Variants in MUC4 observed in about 807,000 individuals in gnomAD.
MUC4 encodes the protein mucin-4.
In MUC4, 202 loss-of-function variants were observed where a neutral mutation model predicts 257.9. That is an observed-to-expected ratio of 0.78 (90% CI 0.70 to 0.88). The LOEUF (loss-of-function observed/expected upper bound fraction) is 0.88. Ranked by LOEUF, MUC4 falls within the 40% of genes least tolerant of loss-of-function variation. The probability of loss-of-function intolerance (pLI) is 0.00; values close to 1 mark genes in which losing one functional copy is unlikely to be tolerated. For synonymous variants in MUC4, 2,351 were observed against 2,757.1 expected (o/e 0.85, Z 4.62); for missense variants, 5,976 against 6,513.7 (o/e 0.92, Z 2.84).
rs763652352 is a variant in MUC4, at chr3:195,762,043, G to A, written c.14512+44C>T. On this transcript the variant is annotated intron_variant, in intron 14 of 24. Transcript: ENST00000463781. ...CGCCGGCGTGGGGGTCCGAGCTCCG[G>A]CTGGCTCCGCGGAGCCTCAGAGGCA... 2.5e-5 allele frequency: 39 copies of A among 1,543,608 alleles called. No individual in the cohort carries two copies. The Middle Eastern group carries it at 6.5e-4, about 26-fold the overall frequency.
At chr3:195,804,363 C>T (rs1735715835) in intron 1 of MUC4, among the ~76,000 whole-genome samples, 1 of 152,236 alleles carries the variant, frequency 6.6e-6, no homozygotes, top group African/African-American at 2.4e-5. Flanking sequence ...GGTGACTCCA[C>T]AGGTGTGCCG....
intron 5 of MUC4, among the ~76,000 whole-genome samples, chr3:195,771,224 CCTGGTCAGTCTCGTGGT>C (rs1206814786): frequency 2.9e-5 from 1 of 34,932 alleles, no homozygotes; most frequent in African/African-American, 2.4e-4. Context: ...TTGGTGTATT[CCTGGTCAGTCTCGTGGT>C]TGGGTTGGGG....
rs74957513 is a variant in MUC4, at chr3:195,780,987, G to T, written c.10593C>A (p.Thr3531=). 43,240 of 417,706 alleles carry T rather than the reference G, an allele frequency of 0.1. 1,153 individuals carry two copies. The highest frequency in any genetic ancestry group is 0.18 in the African/African-American group (2,592 of 14,434). 25.9% of individuals were successfully genotyped at this position (417,706 alleles called of 1,614,324 possible). ...TGACAGGAAGAGGCGTGGCGTGACC[G>T]GTGGATACTGAGGAAGTGTCGGTGA... The part of the protein sequence containing the change: ...LPVTDTSSVS[T]GHATPLPVTS... The change falls in exon 2 of 25, where the codon ACC becomes ACA. Residue 3531 remains threonine, a synonymous_variant. Coordinates refer to ENST00000463781, the MANE Select transcript of MUC4 (RefSeq NM_018406.7).
intron 7 of MUC4, among the ~76,000 whole-genome samples, chr3:195,767,579 CCACCAT>C (rs1721161960): frequency 9.1e-6 from 1 of 109,560 alleles, no homozygotes; most frequent in African/African-American, 5.8e-5. Context: ...ACCATCACCA[CCACCAT>C]CACCACCACC....
Position 195,762,112 on chromosome 3 carries a change from G to A in MUC4, c.14487C>T (p.Tyr4829=), listed in dbSNP as rs1319323252. 2 of 1,606,062 alleles carry A rather than the reference G, an allele frequency of 1.2e-6. No homozygotes were observed. The highest frequency in any genetic ancestry group is 2.2e-5 in the East Asian group (1 of 44,720). The stretch of plus-strand genomic sequence containing the variant: ...CCAGGAGCCCCTCCGTGCGGTTCTG[G>A]TACTCGGGCGGGAGGCTGGCGGAGG... ...LHASASLPPE[Y]QNRTEGLLGV... Residue 4829 remains tyrosine, a synonymous_variant, in exon 14 of 25, where the codon TAC becomes TAT. Coordinates refer to ENST00000463781, the MANE Select transcript of MUC4 (RefSeq NM_018406.7).
At chr3:195,770,076 G>T (rs1318305279) in intron 6 of MUC4, 140 bp downstream of exon 6, 3 of 878,246 alleles carry the variant, frequency 3.4e-6, no homozygotes, top group East Asian at 6.0e-5. Context: ...TGGCAGTGGG[G>T]GGGTGGCGGT....
intron 1 of MUC4, among the ~76,000 whole-genome samples, chr3:195,808,325 C>T (rs1439399924): frequency 6.6e-6 from 1 of 152,120 alleles, no homozygotes; most frequent in East Asian, 1.9e-4. Flanking sequence ...AAGCCATTCT[C>T]CTACCTCAGC....
intron 1 of MUC4, among the ~76,000 whole-genome samples, chr3:195,794,979 G>T (rs573981977): frequency 1.3e-5 from 2 of 152,306 alleles, no homozygotes; most frequent in African/African-American, 4.8e-5. Flanking sequence ...TGGGCCCCTG[G>T]CTTAATCCAA....
At position 195,798,456 on chromosome 3, in the gene MUC4, C is replaced by T. The variant is rs377313434; in HGVS notation, c.83-6959G>A. On this transcript the variant is annotated intron_variant, in intron 1 of 24. Coordinates refer to ENST00000463781, the MANE Select transcript of MUC4 (RefSeq NM_018406.7). Reference sequence around the variant, plus strand: ...TGGTGGCTCACACCTGTAATCCCAGCGCTTTGTGAGGCTGAGGTGGGCGGA... The same window carrying T: ...TGGTGGCTCACACCTGTAATCCCAGTGCTTTGTGAGGCTGAGGTGGGCGGA... Among the ~76,000 whole-genome samples the T allele has an allele frequency of 3.0e-4, 45 of 152,278 alleles. 1 individual carries two copies. The highest frequency in any genetic ancestry group is 3.4e-3 in the Middle Eastern group (1 of 294).
rs1476625922 is a variant in MUC4, at chr3:195,789,167, G to T, written c.2413C>A (p.Pro805Thr). The T allele has an allele frequency of 1.9e-6, 3 of 1,613,838 alleles. No individual in the cohort carries two copies. The highest frequency in any genetic ancestry group is 1.3e-5 in the African/African-American group (1 of 75,006). ...GTGCCACTCGCCCCGGATGAGGAAG[G>T]GGTAGCTGTGCCCGCTGAGGTGGTT... ...SRTTSAGTAT[P>T]SSSGASGTTP... Residue 805 changes from proline to threonine, a missense_variant, in exon 2 of 25, where the codon CCT becomes ACT. By Grantham distance (38) the Pro-to-Thr change is conservative. This residue lies in a region of MUC4 where 1,583 missense variants were observed against 1,257.4 expected (regional missense o/e 1.26). Coordinates refer to ENST00000463781, the MANE Select transcript of MUC4 (RefSeq NM_018406.7).
chr3:195,811,784 C>T lies in MUC4; in HGVS notation c.34G>A (p.Val12Met), dbSNP rs957381203. The change falls in exon 1 of 25, where the codon GTG becomes ATG. Residue 12 changes from valine (V) to methionine (M), a missense_variant. Val to Met is a conservative substitution (Grantham distance 21). Coordinates refer to ENST00000463781, the MANE Select transcript of MUC4 (RefSeq NM_018406.7). Reference sequence around the variant, plus strand: ...CAGAGACACAGGCAGCTCAGGGACACCCAGGGGACCCTCCTCCAGCGTGCC... The same window carrying T: ...CAGAGACACAGGCAGCTCAGGGACATCCAGGGGACCCTCCTCCAGCGTGCC... ...KGARWRRVPW[V>M]SLSCLCLCLL... 4 of 1,614,018 alleles carry T rather than the reference C, an allele frequency of 2.5e-6. No homozygotes were observed. The highest frequency in any genetic ancestry group is 3.3e-5 in the Admixed American group (2 of 60,030).
intron 1 of MUC4, among the ~76,000 whole-genome samples, chr3:195,806,027 A>T (rs3096338): frequency 0.54 from 82,693 of 151,942 alleles, 23,631 homozygotes; most frequent in East Asian, 0.76. Flanking sequence ...GAGGCACGAG[A>T]ATCCCTTGAA....
rs1250508750 is a variant in MUC4, at chr3:195,780,897, T to C, written c.10683A>G (p.Ala3561=). Residue 3561 remains alanine (A), a synonymous_variant, in exon 2 of 25, where the codon GCA becomes GCG. Transcript: ENST00000463781. Reference sequence around the variant, plus strand: ...GAAGAGGGGTGGCCTGACCTGTGGATGCCGAGGAAGCGTCGGTGACAGGAA... The same window carrying C: ...GAAGAGGGGTGGCCTGACCTGTGGACGCCGAGGAAGCGTCGGTGACAGGAA... The part of the protein sequence containing the change: ...TPLPVTDASS[A]STGQATPLPV... 4 of 1,510,098 alleles carry C rather than the reference T, an allele frequency of 2.6e-6. No homozygotes were observed. In the African/African-American group the frequency reaches 6.6e-5, roughly 25 times the overall value. 93.5% of individuals were successfully genotyped at this position (1,510,098 alleles called of 1,614,324 possible).
intron 1 of MUC4, among the ~76,000 whole-genome samples, chr3:195,801,789 A>G (rs1735350984): frequency 6.6e-6 from 1 of 152,080 alleles, no homozygotes; most frequent in Non-Finnish European, 1.5e-5. Flanking sequence ...TTCATTCATG[A>G]ATCTGACAGA....
chr3:195,748,867 A>G (rs1351043664), intron 24 of MUC4, 35 bp downstream of exon 24: 41 of 1,524,570 alleles, frequency 2.7e-5, no homozygotes, highest in Non-Finnish European at 3.5e-5. Flanking sequence ...GTTCCCCAGC[A>G]CTGTCCTCCA....
rs769189255 is a variant in MUC4, at chr3:195,788,887, G to C, written c.2693C>G (p.Pro898Arg). 3.1e-6 allele frequency: 5 copies of C among 1,613,686 alleles called. No homozygotes were observed. Among genetic ancestry groups the C allele is most frequent in the Non-Finnish European group, 4.2e-6 (5 of 1,179,794 alleles). The change falls in exon 2 of 25, where the codon CCT (proline) becomes CGT (arginine). Residue 898 changes from proline to arginine, a missense_variant. Coordinates refer to ENST00000463781, the MANE Select transcript of MUC4 (RefSeq NM_018406.7). ...QSSPTSPSASPQETAAISRMA... is the reference protein window; with the variant it reads ...QSSPTSPSASRQETAAISRMA... The stretch of plus-strand genomic sequence containing the variant: ...CCGGGAAATGGCGGCTGTCTCCTGA[G>C]GAGAGGCACTGGGAGAAGTTGGGCT...
Position 195,781,712 on chromosome 3 carries a change from A to C in MUC4, c.9868T>G (p.Ser3290Ala), listed in dbSNP as rs773454580. ...AGAAGAGGGGTGGTGTCACCTGTGGATGATGAGGAAGTGTCGGTGACAGGA... is the reference window on the plus strand; with the variant it reads ...AGAAGAGGGGTGGTGTCACCTGTGGCTGATGAGGAAGTGTCGGTGACAGGA... ...SLPVTDTSSS[S>A]TGDTTPLLVT... Residue 3290 changes from serine to alanine, a missense_variant, in exon 2 of 25, where the codon TCC (serine) becomes GCC (alanine). Ser to Ala is a moderately conservative substitution (Grantham distance 99). Coordinates refer to ENST00000463781, the MANE Select transcript of MUC4 (RefSeq NM_018406.7). 6.7e-7 allele frequency: 1 copy of C among 1,492,236 alleles called. No homozygotes were observed. Among genetic ancestry groups the C allele is most frequent in the South Asian group, 1.2e-5 (1 of 82,252 alleles). The allele number at this position is 1,492,236 out of a possible 1,614,324, so 92.4% of individuals were successfully genotyped here.
Position 195,747,343 on chromosome 3 carries a change from G to A in MUC4, c.16072C>T (p.His5358Tyr), listed in dbSNP as rs1715238515. ...SFSIYTAWGEHCEHLSMKLDA... is the reference protein window; with the variant it reads ...SFSIYTAWGEYCEHLSMKLDA... ...AGTTTCATGCTCAGGTGCTCACAGT[G>A]CTCGCCCCAGGCCGTGTAGATGGAG... The change falls in exon 25 of 25, where the codon CAC becomes TAC. Residue 5358 changes from histidine (H) to tyrosine (Y), a missense_variant. Transcript: ENST00000463781. The A allele has an allele frequency of 6.2e-7, 1 of 1,614,056 alleles. No homozygotes were observed.
chr3:195,761,092 A>T lies in MUC4; in HGVS notation c.14640T>A (p.Leu4880=), dbSNP rs776837880. ...MTWQINGTGL[L]GKRNDQLPSN... is the part of the protein sequence containing the mutation. ...AAGGCAGCTGGTCATTCCTCTTGCC[A>T]AGGAGGCCTGTCCCGTTGATCTGCC... The change falls in exon 16 of 25, where the codon CTT becomes CTA. Residue 4880 remains leucine (L), a synonymous_variant. Coordinates refer to ENST00000463781, the MANE Select transcript of MUC4 (RefSeq NM_018406.7). 1 of 1,614,168 alleles carries T rather than the reference A, an allele frequency of 6.2e-7. No homozygotes were observed. The highest frequency in any genetic ancestry group is 8.5e-7 in the Non-Finnish European group (1 of 1,180,010).
Sources: allele counts gnomAD v4.1 joint callset (sites outside exome capture counted in the v4.1 genomes callset), GRCh38; gene constraint gnomAD v4.1.1; regional missense constraint gnomAD v4.1.1; transcripts MANE v1.5; gene names NCBI Gene and HGNC (gene_info 2026-07-23, HGNC 2026-07-21).